Variants in HIVEP3 observed in about 807,000 individuals in gnomAD.
The protein encoded by HIVEP3 is transcription factor HIVEP3.
HIVEP3 carries 49 observed loss-of-function variants against 152.8 expected under a neutral mutation model. The ratio of observed to expected loss-of-function variants is 0.32; its 90% CI spans 0.26 to 0.41. The LOEUF (loss-of-function observed/expected upper bound fraction) is 0.41, where lower values mean the gene tolerates loss of function less well. HIVEP3 is among the 10% of genes least tolerant of loss of function. The probability of loss-of-function intolerance (pLI) is 1.00; values close to 1 mark genes in which losing one functional copy is unlikely to be tolerated. For missense variants in HIVEP3, 2,790 were observed against 3,103.3 expected (o/e 0.90, Z 2.40); for synonymous variants, 1,269 against 1,289.0 (o/e 0.98, Z 0.33).
At chr1:41,906,379 A>T (rs1276513129) in intron 1 of HIVEP3, among the ~76,000 whole-genome samples, 1 of 152,180 alleles carries the variant, frequency 6.6e-6, no homozygotes, top group Non-Finnish European at 1.5e-5. Context: ...TGAATTGCTG[A>T]TCTACACAAC....
At chr1:41,719,297 G>A (rs1570391041) in intron 1 of HIVEP3, among the ~76,000 whole-genome samples, 1 of 152,376 alleles carries the variant, frequency 6.6e-6, no homozygotes, top group East Asian at 1.9e-4. Flanking sequence ...TTAGGGTGCA[G>A]GAGACAGTGA....
chr1:41,995,050 T>C (rs1453647641), intron 1 of HIVEP3, among the ~76,000 whole-genome samples: 1 of 151,562 alleles, frequency 6.6e-6, no homozygotes, highest in Non-Finnish European at 1.5e-5. Context: ...CCAACATACG[T>C]TTTATTCAGA....
intron 7 of HIVEP3, among the ~76,000 whole-genome samples, chr1:41,514,712 C>T (rs1014870084): frequency 3.9e-5 from 6 of 152,248 alleles, no homozygotes; most frequent in African/African-American, 1.4e-4. Context: ...CCACTTTGGA[C>T]ATCTGACTGC....
intron 2 of HIVEP3, among the ~76,000 whole-genome samples, chr1:41,634,818 C>G (rs1341747882): frequency 6.6e-6 from 1 of 152,136 alleles, no homozygotes; most frequent in African/African-American, 2.4e-5. Flanking sequence ...TTACTCTCAT[C>G]ATAAACACAG....
intron 1 of HIVEP3, among the ~76,000 whole-genome samples, chr1:41,974,486 T>TACACACACACACACACAC (rs66882363): frequency 8.2e-4 from 110 of 134,280 alleles, no homozygotes; most frequent in African/African-American, 2.8e-3. Flanking sequence ...CTCCACCCCC[T>TACACACACACACACACAC]ACACACACAC....
chr1:41,887,741 C>A (rs375567279), intron 1 of HIVEP3, among the ~76,000 whole-genome samples: 1 of 152,118 alleles, frequency 6.6e-6, no homozygotes, highest in East Asian at 1.9e-4. Flanking sequence ...AACCAAGTGC[C>A]CAGATTAAAG....
At position 41,774,049 on chromosome 1, in the gene HIVEP3, GGAC is replaced by G. The variant is rs1329046267; in HGVS notation, c.-800-73057_-800-73055del. On this transcript the variant is annotated intron_variant, in intron 1 of 8. Transcript: ENST00000372583. Reference sequence around the variant, plus strand: ...CCTAGGAGCAGATGCTTCTGGCTTTGGACTTGACCATATGACACTTTCCAATGA... The same window carrying G: ...CCTAGGAGCAGATGCTTCTGGCTTTGTTGACCATATGACACTTTCCAATGA... 2.0e-5 allele frequency among the ~76,000 whole-genome samples: 3 copies of G among 152,194 alleles called. No individual in the cohort carries two copies. In the South Asian group the frequency reaches 6.2e-4, roughly 31 times the overall value.
intron 5 of HIVEP3, among the ~76,000 whole-genome samples, chr1:41,539,487 G>A (rs1034316498): frequency 2.6e-5 from 4 of 152,204 alleles, no homozygotes; most frequent in African/African-American, 9.7e-5. Context: ...GAAGCCCTCA[G>A]GTGGGGCTGG....
intron 1 of HIVEP3, among the ~76,000 whole-genome samples, chr1:41,736,184 C>G (rs748558922): frequency 6.6e-6 from 1 of 152,176 alleles, no homozygotes; most frequent in African/African-American, 2.4e-5. Flanking sequence ...GATCCCTCCC[C>G]ACTTTTAGAA....
chr1:41,889,944 T>A (rs1644421696), intron 1 of HIVEP3, among the ~76,000 whole-genome samples: 1 of 152,194 alleles, frequency 6.6e-6, no homozygotes, highest in Non-Finnish European at 1.5e-5. Flanking sequence ...AGTTTAACCA[T>A]AATAACATTG....
intron 2 of HIVEP3, among the ~76,000 whole-genome samples, chr1:41,643,585 ACAGATACACAGTCTGC>A (rs1383772178): frequency 6.6e-6 from 1 of 152,254 alleles, no homozygotes; most frequent in Non-Finnish European, 1.5e-5. Context: ...TACTAAAGTG[ACAGATACACAGTCTGC>A]CTGGACCAAA....
intron 1 of HIVEP3, among the ~76,000 whole-genome samples, chr1:41,801,019 G>A (rs1042154208): frequency 1.3e-5 from 2 of 152,156 alleles, no homozygotes; most frequent in South Asian, 2.1e-4. Flanking sequence ...CCCACAAGGA[G>A]CTACAATTAC....
At chr1:41,875,171 G>A (rs1208340942) in intron 1 of HIVEP3, among the ~76,000 whole-genome samples, 1 of 152,182 alleles carries the variant, frequency 6.6e-6, no homozygotes. Flanking sequence ...CTTCCTTCAG[G>A]GCTCCAGCAC....
intron 3 of HIVEP3, among the ~76,000 whole-genome samples, chr1:41,616,584 T>TC (rs397777857): frequency 1.3e-5 from 2 of 148,926 alleles, no homozygotes; most frequent in Admixed American, 6.7e-5. Flanking sequence ...TTTTTTTTTT[T>TC]CAAACAGGGT....
chr1:41,693,640 T>C (rs1229896431), intron 2 of HIVEP3, among the ~76,000 whole-genome samples: 9 of 152,126 alleles, frequency 5.9e-5, no homozygotes, highest in Non-Finnish European at 1.2e-4. Context: ...TGGGGTGGGG[T>C]GTTTGCCCAT....
intron 1 of HIVEP3, among the ~76,000 whole-genome samples, chr1:41,903,299 G>A (rs1430864949): frequency 6.6e-6 from 1 of 152,202 alleles, no homozygotes; most frequent in Non-Finnish European, 1.5e-5. Flanking sequence ...AGTTGAGCCA[G>A]GCTCAGCAAC....
intron 1 of HIVEP3, among the ~76,000 whole-genome samples, chr1:41,752,912 GA>G (rs1403023042): frequency 6.6e-6 from 1 of 152,242 alleles, no homozygotes; most frequent in Non-Finnish European, 1.5e-5. Flanking sequence ...TAGGCTCAGG[GA>G]AAGATCCACA....
intron 2 of HIVEP3, among the ~76,000 whole-genome samples, chr1:41,641,420 C>A (rs1645370838): frequency 6.6e-6 from 1 of 152,200 alleles, no homozygotes; most frequent in Non-Finnish European, 1.5e-5. Context: ...TCTCAACCTG[C>A]CCCACTCCTG....
At chr1:41,537,863 C>A (rs1643436552) in intron 5 of HIVEP3, among the ~76,000 whole-genome samples, 1 of 152,220 alleles carries the variant, frequency 6.6e-6, no homozygotes, top group Non-Finnish European at 1.5e-5. Context: ...CACGCAGGCA[C>A]AGAGCCCACC....
Sources: gnomAD v4.1 joint callset for allele counts (sites outside exome capture counted in the v4.1 genomes callset) on GRCh38, gnomAD v4.1.1 for gene constraint, MANE v1.5 for transcripts, NCBI Gene and HGNC (gene_info 2026-07-23, HGNC 2026-07-21) for gene names.